MSRA: variants seen among roughly 807,000 people sequenced by gnomAD.
MSRA encodes the protein mitochondrial peptide methionine sulfoxide reductase.
Under a neutral mutation model 31.3 loss-of-function variants are expected in MSRA, and 54 were observed. That is an observed-to-expected ratio of 1.73 (90% CI 1.39 to 2.17). MSRA has a LOEUF of 2.17. Among genes scored for constraint, MSRA ranks in the 30% most tolerant of loss-of-function variants. The pLI, the probability that MSRA is intolerant of heterozygous loss-of-function variation, is 0.00. For missense variants in MSRA, 507 were observed against 300.9 expected (o/e 1.69, Z -5.07); for synonymous variants, 169 against 116.5 (o/e 1.45, Z -2.90).
chr8:10,283,217 C>T (rs764301348), intron 3 of MSRA, among the ~76,000 whole-genome samples: 2 of 145,830 alleles, frequency 1.4e-5, no homozygotes, highest in Admixed American at 7.0e-5. Context: ...CATTCCAATA[C>T]ACCATGCAAG....
intron 1 of MSRA, chr8:10,096,367 T>G: frequency 1.0e-5 from 10 of 969,764 alleles, no homozygotes; most frequent in Admixed American, 5.7e-5. Context: ...GAACCATTTT[T>G]GGGAGGTGGG....
intron 1 of MSRA, among the ~76,000 whole-genome samples, chr8:10,086,673 C>G (rs1219145541): frequency 6.6e-6 from 1 of 152,136 alleles, no homozygotes; most frequent in African/African-American, 2.4e-5. Context: ...CGTGATTTCA[C>G]TTTTCATTTA....
At chr8:10,077,121 A>C (rs1798031747) in intron 1 of MSRA, among the ~76,000 whole-genome samples, 1 of 152,156 alleles carries the variant, frequency 6.6e-6, no homozygotes, top group Non-Finnish European at 1.5e-5. Flanking sequence ...AAGCAAAAAG[A>C]GTACTCAGGA....
At chr8:10,395,784 G>A (rs888926032) in intron 5 of MSRA, among the ~76,000 whole-genome samples, 9 of 152,124 alleles carry the variant, frequency 5.9e-5, no homozygotes, top group African/African-American at 9.7e-5. Context: ...ACCTGCGTAC[G>A]TCCTCAAAGC....
chr8:10,283,089 G>C (rs918223255), intron 3 of MSRA, among the ~76,000 whole-genome samples: 1 of 150,938 alleles, frequency 6.6e-6, no homozygotes, highest in Non-Finnish European at 1.5e-5. Context: ...AGCCAGTTCA[G>C]ATGATAGGTG....
At chr8:10,168,548 A>G (rs1352736897) in intron 1 of MSRA, among the ~76,000 whole-genome samples, 2 of 152,210 alleles carry the variant, frequency 1.3e-5, no homozygotes, top group Non-Finnish European at 2.9e-5. Context: ...TAATATTTAA[A>G]CAGTACCATT....
intron 5 of MSRA, among the ~76,000 whole-genome samples, chr8:10,328,285 T>A (rs1802495730): frequency 1.0e-5 from 1 of 97,836 alleles, no homozygotes; most frequent in Admixed American, 1.5e-4. Context: ...CCCCATCGGG[T>A]CATCATTTAA....
chr8:10,423,143 G>T (rs994780224), intron 5 of MSRA, among the ~76,000 whole-genome samples: 1 of 152,162 alleles, frequency 6.6e-6, no homozygotes, highest in East Asian at 1.9e-4. Flanking sequence ...CCCCATGGAC[G>T]ACGGGAGAGG....
chr8:10,154,990 T>A (rs1043755413), intron 1 of MSRA, among the ~76,000 whole-genome samples: 17 of 104,554 alleles, frequency 1.6e-4, no homozygotes, highest in African/African-American at 6.8e-4. Context: ...AGTTTGATAA[T>A]GTGTATATAT....
At chr8:10,261,192 A>G (rs1255466210) in intron 3 of MSRA, among the ~76,000 whole-genome samples, 6 of 152,146 alleles carry the variant, frequency 3.9e-5, no homozygotes, top group Non-Finnish European at 7.4e-5. Context: ...GTAAAAATGG[A>G]TGAATTGTCA....
intron 3 of MSRA, among the ~76,000 whole-genome samples, chr8:10,254,564 A>G (rs1798080399): frequency 6.6e-6 from 1 of 152,152 alleles, no homozygotes; most frequent in African/African-American, 2.4e-5. Context: ...CTACCTACTA[A>G]TCTCTGTCAC....
At position 10,314,295 on chromosome 8, in the gene MSRA, A is replaced by G. The variant is rs187797497; in HGVS notation, c.437-5588A>G. 6.5e-3 allele frequency among the ~76,000 whole-genome samples: 995 copies of G among 152,336 alleles called. 12 individuals are homozygous for G. Among genetic ancestry groups the G allele is most frequent in the African/African-American group, 0.023 (946 of 41,574 alleles). ...AAAGGATTAGTATTCAGAATATATA[A>G]AAAATAGACTTAAATGTATGTGCAG... On this transcript the variant is annotated intron_variant, in intron 4 of 5. Coordinates refer to ENST00000317173, the MANE Select transcript of MSRA (RefSeq NM_012331.5).
intron 1 of MSRA, among the ~76,000 whole-genome samples, chr8:10,106,178 A>T (rs1486578542): frequency 6.6e-6 from 1 of 152,188 alleles, no homozygotes; most frequent in Non-Finnish European, 1.5e-5. Context: ...CCAAACGTGG[A>T]AGTCAGACCT....
chr8:10,085,745 G>A (rs1255992506), intron 1 of MSRA, among the ~76,000 whole-genome samples: 2 of 152,186 alleles, frequency 1.3e-5, no homozygotes, highest in Non-Finnish European at 2.9e-5. Flanking sequence ...CCTCTTTGCA[G>A]TCAGTCTGCT....
chr8:10,190,084 G>A (rs565846194), intron 1 of MSRA, among the ~76,000 whole-genome samples: 27 of 152,138 alleles, frequency 1.8e-4, no homozygotes, highest in Non-Finnish European at 3.2e-4. Context: ...GATAAGCCAA[G>A]GAATGTCCTT....
At chr8:10,135,493 A>T (rs549749889) in intron 1 of MSRA, among the ~76,000 whole-genome samples, 5 of 152,228 alleles carry the variant, frequency 3.3e-5, no homozygotes, top group Admixed American at 2.0e-4. Context: ...AATGACTTCA[A>T]TTCATAATAT....
chr8:10,228,870 C>G (rs555821753), intron 2 of MSRA, among the ~76,000 whole-genome samples: 1 of 152,170 alleles, frequency 6.6e-6, no homozygotes, highest in African/African-American at 2.4e-5. Context: ...CTCATTTATT[C>G]CTTTCCCTTA....
At chr8:10,084,008 C>T (rs1422173612) in intron 1 of MSRA, among the ~76,000 whole-genome samples, 3 of 152,116 alleles carry the variant, frequency 2.0e-5, no homozygotes, top group South Asian at 4.1e-4. Context: ...TTGAGGTCTT[C>T]GTATCAATAT....
chr8:10,074,873 G>T (rs1459553364), intron 1 of MSRA, among the ~76,000 whole-genome samples: 1 of 151,998 alleles, frequency 6.6e-6, no homozygotes, highest in East Asian at 1.9e-4. Flanking sequence ...TGGCCAGGCT[G>T]GTCTTGAACT....
Sources: gnomAD v4.1 joint callset for allele counts (sites outside exome capture counted in the v4.1 genomes callset) on GRCh38, gnomAD v4.1.1 for gene constraint, MANE v1.5 for transcripts, NCBI Gene and HGNC (gene_info 2026-07-23, HGNC 2026-07-21) for gene names.